SVEP1: variants seen among roughly 807,000 people sequenced by gnomAD.
The protein encoded by SVEP1 is sushi, von Willebrand factor type A, EGF and pentraxin domain-containing protein 1.
In SVEP1, 164 loss-of-function variants were observed where a neutral mutation model predicts 367.3. The observed-to-expected ratio is 0.45, with a 90% CI of 0.39 to 0.51. SVEP1 has a LOEUF of 0.51. Among genes scored for constraint, SVEP1 ranks in the 20% least tolerant of loss-of-function variants. The pLI is 0.00. For missense variants in SVEP1, 4,117 were observed against 4,425.3 expected (o/e 0.93, Z 1.98); for synonymous variants, 1,666 against 1,611.6 (o/e 1.03, Z -0.81).
intron 3 of SVEP1, among the ~76,000 whole-genome samples, chr9:110,527,109 T>C (rs1829948483): frequency 6.6e-6 from 1 of 152,126 alleles, no homozygotes; most frequent in South Asian, 2.1e-4. Context: ...AAATGTTCTG[T>C]ATTGAAACCA....
intron 36 of SVEP1, among the ~76,000 whole-genome samples, chr9:110,415,666 T>C (rs1828109532): frequency 6.6e-6 from 1 of 151,984 alleles, no homozygotes; most frequent in African/African-American, 2.4e-5. Flanking sequence ...AGAGATAAGA[T>C]GAGTGCTGAC....
At chr9:110,452,947 C>T (rs967514420) in intron 22 of SVEP1, among the ~76,000 whole-genome samples, 7 of 152,130 alleles carry the variant, frequency 4.6e-5, no homozygotes, top group Admixed American at 2.0e-4. Flanking sequence ...ACTGTATAAA[C>T]TCAATATATC....
Position 110,557,837 on chromosome 9 carries a change from C to T in SVEP1, c.532-7733G>A, listed in dbSNP as rs947934900. On this transcript the variant is annotated intron_variant, in intron 1 of 47. Transcript: ENST00000374469. ...AACCCTCTTATTTGTAACAAATAAG[C>T]CACAGCCTGTGTCTGAAAATGGATG... 2.0e-5 allele frequency among the ~76,000 whole-genome samples: 3 copies of T among 152,090 alleles called. No individual in the cohort carries two copies. The East Asian group carries it at 5.8e-4, about 29-fold the overall frequency.
intron 43 of SVEP1, among the ~76,000 whole-genome samples, chr9:110,383,291 CTT>C (rs1827467766): frequency 1.3e-5 from 2 of 151,988 alleles, no homozygotes; most frequent in Non-Finnish European, 2.9e-5. Flanking sequence ...GCTGCTTTCT[CTT>C]TGTTTTTCTT....
At position 110,432,401 on chromosome 9, in the gene SVEP1, G is replaced by A. The variant is rs146245877; in HGVS notation, c.5233+61C>T. On this transcript the variant is annotated intron_variant, in intron 31 of 47. Transcript: ENST00000374469. ...TGCCTCAAGAACCTCAGGAATTTGG[G>A]ATGACTGTCATCTACAGAGCTAGAA... The A allele has an allele frequency of 1.2e-5, 18 of 1,530,386 alleles. No individual in the cohort carries two copies. The African/African-American group carries it at 2.1e-4, about 18-fold the overall frequency. The allele number at this position is 1,530,386 out of a possible 1,614,324, so 94.8% of individuals were successfully genotyped here. A position where few individuals can be genotyped will look rare whatever the true frequency, so the allele number is the denominator to read the frequency against.
intron 6 of SVEP1, 132 bp downstream of exon 6, chr9:110,502,906 G>A (rs1229753802): frequency 3.5e-6 from 3 of 852,596 alleles, no homozygotes; most frequent in Non-Finnish European, 1.7e-6. Context: ...TGTAACACCT[G>A]CACCTGTACA....
At chr9:110,496,421 G>A (rs572205539) in intron 8 of SVEP1, among the ~76,000 whole-genome samples, 1 of 152,314 alleles carries the variant, frequency 6.6e-6, no homozygotes, top group South Asian at 2.1e-4. Context: ...CTCCCGTGCT[G>A]GCTGCTTCCT....
At chr9:110,442,806 G>T (rs374093615) in intron 27 of SVEP1, 3 of 152,044 alleles carry the variant, frequency 2.0e-5, no homozygotes, top group East Asian at 3.8e-4. Context: ...TTGAGGCTTC[G>T]CAAGGGTCAT....
chr9:110,458,899 G>A, intron 19 of SVEP1, 53 bp downstream of exon 19: 1 of 1,574,924 alleles, frequency 6.3e-7, no homozygotes. Flanking sequence ...AACAGAGACA[G>A]GGAAAAGTAA....
chr9:110,479,672 T>C lies in SVEP1; in HGVS notation c.2450A>G (p.Lys817Arg). ...ARCDDTDLMKKFSEAFETTLG... is the reference protein window; with the variant it reads ...ARCDDTDLMKRFSEAFETTLG... ...GGTCGTCTCAAATGCTTCAGAAAAC[T>C]TCTTCATCAGATCTGTGTCATCACA... The change falls in exon 13 of 48, where the codon AAG (lysine) becomes AGG (arginine). Residue 817 changes from lysine to arginine, a missense_variant. Lys to Arg is a conservative substitution (Grantham distance 26). Around this residue, in one of 4 missense-constraint regions of SVEP1, gnomAD observed 2,174 missense variants for 2,494.3 expected, o/e 0.87. Coordinates refer to ENST00000374469, the MANE Select transcript of SVEP1 (RefSeq NM_153366.4). The C allele has an allele frequency of 6.2e-7, 1 of 1,610,482 alleles. No homozygotes were observed. Among genetic ancestry groups the C allele is most frequent in the Non-Finnish European group, 8.5e-7 (1 of 1,178,706 alleles).
intron 46 of SVEP1, among the ~76,000 whole-genome samples, chr9:110,374,812 C>T (rs947526978): frequency 6.6e-6 from 1 of 152,210 alleles, no homozygotes; most frequent in Non-Finnish European, 1.5e-5. Context: ...TCAACCCAAG[C>T]AATCCCATTA....
intron 43 of SVEP1, among the ~76,000 whole-genome samples, chr9:110,385,607 C>G (rs10980353): frequency 0.061 from 9,340 of 152,242 alleles, 339 homozygotes; most frequent in Non-Finnish European, 0.085. Context: ...GGGACTCTGA[C>G]AGTGTGGAGA....
chr9:110,379,343 T>A lies in SVEP1; in HGVS notation c.10408+4A>T. 6.2e-7 allele frequency: 1 copy of A among 1,613,180 alleles called. No homozygotes were observed. Among genetic ancestry groups the A allele is most frequent in the Non-Finnish European group, 8.5e-7 (1 of 1,179,474 alleles). On this transcript the variant is annotated splice_donor_region_variant and intron_variant, in intron 44 of 47. Transcript: ENST00000374469. ...AAGAAATAACCATTCAAATATTTCC[T>A]TACCTCTGCAAATAGGAGGTGATGT...
rs754519889 is a variant in SVEP1 at position 110,386,021 on chromosome 9, T to C, written c.10114A>G (p.Lys3372Glu). ...VIPENALLSE[K>E]EFYVDQNVSI... ...ACATTCTGATCAACATAAAACTCCTTTTCAGACAGCAGAGCATTCTCGGGA... is the reference window on the plus strand; with the variant it reads ...ACATTCTGATCAACATAAAACTCCTCTTCAGACAGCAGAGCATTCTCGGGA... Residue 3372 changes from lysine to glutamate, a missense_variant, in exon 43 of 48, where the codon AAG becomes GAG. Lys to Glu is a moderately conservative substitution (Grantham distance 56). Transcript: ENST00000374469. 3.1e-6 allele frequency: 5 copies of C among 1,613,650 alleles called. No individual in the cohort carries two copies. In the African/African-American group the frequency reaches 5.3e-5, roughly 17 times the overall value.
intron 5 of SVEP1, among the ~76,000 whole-genome samples, chr9:110,510,772 C>T (rs762283290): frequency 2.6e-5 from 4 of 152,264 alleles, no homozygotes; most frequent in South Asian, 2.1e-4. Context: ...CATCCTCTAC[C>T]GTAAGGTATT....
At chr9:110,399,309 C>G (rs954911979) in intron 40 of SVEP1, among the ~76,000 whole-genome samples, 1 of 148,334 alleles carries the variant, frequency 6.7e-6, no homozygotes, top group Admixed American at 6.8e-5. Context: ...AACACATGGA[C>G]ACAGGAAGGG....
At chr9:110,548,205 T>G (rs1053148970) in intron 2 of SVEP1, among the ~76,000 whole-genome samples, 1 of 152,224 alleles carries the variant, frequency 6.6e-6, no homozygotes, top group African/African-American at 2.4e-5. Context: ...TGCTACATAC[T>G]ATATTGGTGA....
At chr9:110,471,700 A>G in intron 15 of SVEP1, 103 bp from the exon 16 acceptor site, 1 of 799,958 alleles carries the variant, frequency 1.3e-6, no homozygotes, top group Non-Finnish European at 2.0e-6. Flanking sequence ...ATCTTTTAGT[A>G]CTAATAAGTG....
chr9:110,576,464 A>C (rs1449179626), intron 1 of SVEP1, among the ~76,000 whole-genome samples: 1 of 152,294 alleles, frequency 6.6e-6, no homozygotes, highest in East Asian at 1.9e-4. Flanking sequence ...TAGACAACTG[A>C]ATAAAGTCAA....
Sources: gnomAD v4.1 joint callset for allele counts (sites outside exome capture counted in the v4.1 genomes callset) on GRCh38, gnomAD v4.1.1 for gene constraint, gnomAD v4.1.1 regional missense constraint, MANE v1.5 for transcripts, NCBI Gene and HGNC (gene_info 2026-07-23, HGNC 2026-07-21) for gene names.